Variants in TOM1L2 observed in about 807,000 individuals in gnomAD.
The protein encoded by TOM1L2 is target of myb1 like 2 membrane trafficking protein.
Under a neutral mutation model 67.9 loss-of-function variants are expected in TOM1L2, and 31 were observed. The observed-to-expected ratio is 0.46, with a 90% confidence interval of 0.34 to 0.62. The LOEUF is 0.62. Among genes scored for constraint, TOM1L2 ranks in the 20% least tolerant of loss-of-function variants. The pLI, the probability that TOM1L2 is intolerant of heterozygous loss-of-function variation, is 0.01. For synonymous variants in TOM1L2, 256 were observed against 254.0 expected (o/e 1.01, Z -0.07); for missense variants, 606 against 663.5 (o/e 0.91, Z 0.95).
intron 6 of TOM1L2, 53 bp downstream of exon 6, chr17:17,882,652 G>T: frequency 6.3e-7 from 1 of 1,599,078 alleles, no homozygotes; most frequent in Admixed American, 1.7e-5. Flanking sequence ...CTCCCAGAAA[G>T]ATGAAAAAGG....
chr17:17,931,684 T>C (rs1033771016), intron 1 of TOM1L2, among the ~76,000 whole-genome samples: 1 of 152,236 alleles, frequency 6.6e-6, no homozygotes, highest in South Asian at 2.1e-4. Flanking sequence ...CCTGACTGTT[T>C]GGAATTAGAT....
intron 5 of TOM1L2, among the ~76,000 whole-genome samples, chr17:17,883,182 G>A (rs1598261015): frequency 1.3e-5 from 2 of 152,062 alleles, no homozygotes; most frequent in Admixed American, 6.5e-5. Context: ...AGACCACCTC[G>A]GGATCCAAGT....
chr17:17,940,318 A>G (rs771778314), intron 1 of TOM1L2, among the ~76,000 whole-genome samples: 26 of 152,320 alleles, frequency 1.7e-4, no homozygotes, highest in Non-Finnish European at 3.4e-4. Flanking sequence ...AGAGTAATCA[A>G]TAATTGGTAG....
At chr17:17,964,874 A>G (rs987103766) in intron 1 of TOM1L2, among the ~76,000 whole-genome samples, 5 of 152,258 alleles carry the variant, frequency 3.3e-5, no homozygotes, top group Admixed American at 2.0e-4. Context: ...CTGTCATTGC[A>G]TATGATAAAC....
At chr17:17,892,339 G>A (rs756945299) in intron 4 of TOM1L2, among the ~76,000 whole-genome samples, 8 of 152,126 alleles carry the variant, frequency 5.3e-5, no homozygotes, top group Non-Finnish European at 8.8e-5. Flanking sequence ...GCCCTTGCTG[G>A]AGCCCCACGC....
At chr17:17,862,536 G>C (rs558282678) in intron 11 of TOM1L2, 195 bp downstream of exon 11, 10 of 594,282 alleles carry the variant, frequency 1.7e-5, no homozygotes, top group Admixed American at 1.6e-4. Flanking sequence ...TGTGTGTTTG[G>C]GGGGGTGGGG....
At chr17:17,902,079 G>A (rs918840029) in intron 2 of TOM1L2, among the ~76,000 whole-genome samples, 1 of 152,212 alleles carries the variant, frequency 6.6e-6, no homozygotes. Context: ...AGGAGGCTGA[G>A]GCAGGAGAAT....
At chr17:17,966,796 G>A (rs999808586) in intron 1 of TOM1L2, among the ~76,000 whole-genome samples, 24 of 152,202 alleles carry the variant, frequency 1.6e-4, no homozygotes, top group African/African-American at 5.5e-4. Flanking sequence ...GAGATTCTAT[G>A]TACAGAGTTT....
At chr17:17,883,493 G>A (rs1330332521) in intron 5 of TOM1L2, among the ~76,000 whole-genome samples, 1 of 152,054 alleles carries the variant, frequency 6.6e-6, no homozygotes, top group East Asian at 1.9e-4. Context: ...TCAGCACTTT[G>A]GGAGGACGAG....
chr17:17,869,155 A>T lies in TOM1L2; in HGVS notation c.911+185T>A, dbSNP rs562229638. 171 of 1,123,450 alleles carry T rather than the reference A, an allele frequency of 1.5e-4. 1 individual carries two copies. In the South Asian group the frequency reaches 2.2e-3, roughly 14 times the overall value. The allele number at this position is 1,123,450 out of a possible 1,614,324, so 69.6% of individuals were successfully genotyped here. On this transcript the variant is annotated intron_variant, in intron 8 of 14. Coordinates refer to ENST00000379504, the MANE Select transcript of TOM1L2 (RefSeq NM_001082968.2). ...CAACTTCCTGCTGCTTCTGCTGCTC[A>T]GTTCCCAGGAGGACAAGAAGCATTT...
chr17:17,954,066 C>T (rs1221880893), intron 1 of TOM1L2, among the ~76,000 whole-genome samples: 1 of 152,232 alleles, frequency 6.6e-6, no homozygotes. Context: ...ATAAGTGCCA[C>T]TGCAGTTCAG....
chr17:17,889,692 T>C (rs2038177244), intron 4 of TOM1L2, among the ~76,000 whole-genome samples: 1 of 152,144 alleles, frequency 6.6e-6, no homozygotes, highest in African/African-American at 2.4e-5. Context: ...TTTTCCATAA[T>C]GGAAAGGTTA....
chr17:17,875,091 T>C (rs1568130330), intron 7 of TOM1L2, among the ~76,000 whole-genome samples: 1 of 151,922 alleles, frequency 6.6e-6, no homozygotes. Flanking sequence ...ACCCCATCTC[T>C]ACTAAAAATA....
intron 1 of TOM1L2, among the ~76,000 whole-genome samples, chr17:17,936,323 G>A (rs1250595919): frequency 6.6e-6 from 1 of 152,176 alleles, no homozygotes; most frequent in African/African-American, 2.4e-5. Flanking sequence ...CTTCCAGGAA[G>A]TTTTCCCCAA....
intron 1 of TOM1L2, among the ~76,000 whole-genome samples, chr17:17,935,204 C>T (rs2040472421): frequency 6.6e-6 from 1 of 152,266 alleles, no homozygotes; most frequent in Non-Finnish European, 1.5e-5. Flanking sequence ...GCAAGATCTA[C>T]AAGTTGGATG....
intron 3 of TOM1L2, among the ~76,000 whole-genome samples, chr17:17,896,453 T>A: frequency 6.6e-6 from 1 of 152,168 alleles, no homozygotes; most frequent in Non-Finnish European, 1.5e-5. Context: ...AATACATGCT[T>A]AGTTTCTCCT....
chr17:17,920,152 G>A (rs2144595034), intron 1 of TOM1L2, among the ~76,000 whole-genome samples: 1 of 152,046 alleles, frequency 6.6e-6, no homozygotes, highest in South Asian at 2.1e-4. Flanking sequence ...AGTCTTAAGT[G>A]TAAAAGAGAG....
chr17:17,899,021 T>C (rs1202771999), intron 2 of TOM1L2, among the ~76,000 whole-genome samples: 2 of 152,190 alleles, frequency 1.3e-5, no homozygotes, highest in African/African-American at 4.8e-5. Context: ...GGTGCCAGCG[T>C]AGGGAAGAGA....
intron 4 of TOM1L2, among the ~76,000 whole-genome samples, chr17:17,891,123 A>G (rs1486369318): frequency 6.6e-6 from 1 of 152,264 alleles, no homozygotes; most frequent in East Asian, 1.9e-4. Context: ...AGCCAGGCAG[A>G]AGCTTGTGAG....
Sources: gnomAD v4.1 joint callset for allele counts (sites outside exome capture counted in the v4.1 genomes callset) on GRCh38, gnomAD v4.1.1 for gene constraint, MANE v1.5 for transcripts, NCBI Gene and HGNC (gene_info 2026-07-23, HGNC 2026-07-21) for gene names.